Variants in CNBD1 observed in about 807,000 individuals in gnomAD.
The protein encoded by CNBD1 is cyclic nucleotide-binding domain-containing protein 1.
In CNBD1, 71 loss-of-function variants were observed where a neutral mutation model predicts 54.4. The observed-to-expected ratio is 1.30, with a 90% CI of 1.08 to 1.59. The LOEUF (loss-of-function observed/expected upper bound fraction) is 1.59, where lower values mean the gene tolerates loss of function less well. Among genes scored for constraint, CNBD1 ranks in the 40% most tolerant of loss-of-function variants. The pLI, the probability that CNBD1 is intolerant of heterozygous loss-of-function variation, is 0.00. For missense variants in CNBD1, 659 were observed against 518.0 expected (o/e 1.27, Z -2.64); for synonymous variants, 182 against 170.7 (o/e 1.07, Z -0.51).
intron 4 of CNBD1, among the ~76,000 whole-genome samples, chr8:86,963,846 G>T (rs566735319): frequency 2.0e-5 from 3 of 152,274 alleles, no homozygotes; most frequent in African/African-American, 7.2e-5. Context: ...AAGGAACCCT[G>T]GGACCAGTCA....
Position 86,870,199 on chromosome 8 carries a change from T to TTTTTTTTTTTTTTTTTTTTTTTG in CNBD1, c.88+3621_88+3622insTTTTTTTTTTTTTTTTTGTTTTT, listed in dbSNP as rs1390067652. On this transcript the variant is annotated intron_variant, in intron 1 of 10. Transcript: ENST00000518476. Reference sequence around the variant, plus strand: ...AAACAAGATAGTACTCTTTTTTTTTTTTTTTCTGAGACGGAATCTCGCTCT... The same window carrying TTTTTTTTTTTTTTTTTTTTTTTG: ...AAACAAGATAGTACTCTTTTTTTTTTTTTTTTTTTTTTTTTTTTTTTTGTTTTTCTGAGACGGAATCTCGCTCT... Among the ~76,000 whole-genome samples, 2 of 141,236 alleles carry TTTTTTTTTTTTTTTTTTTTTTTG rather than the reference T, an allele frequency of 1.4e-5. 1 individual carries two copies. The highest frequency in any genetic ancestry group is 5.4e-5 in the African/African-American group (2 of 37,338). The allele number at this position is 141,236 out of a possible 152,430, so 92.7% of individuals were successfully genotyped here. A position where few individuals can be genotyped will look rare whatever the true frequency, so the allele number is the denominator to read the frequency against.
At chr8:86,891,576 A>G (rs4527892) in intron 2 of CNBD1, among the ~76,000 whole-genome samples, 77,558 of 151,728 alleles carry the variant, frequency 0.51, 19,986 homozygotes, top group South Asian at 0.58. Context: ...TGGGGTCTTT[A>G]GTAGTTCCAT....
At chr8:86,908,754 A>T (rs1809055283) in intron 3 of CNBD1, among the ~76,000 whole-genome samples, 1 of 151,726 alleles carries the variant, frequency 6.6e-6, no homozygotes, top group Non-Finnish European at 1.5e-5. Context: ...AGATGAAATT[A>T]ACAATGTTGT....
intron 4 of CNBD1, among the ~76,000 whole-genome samples, chr8:87,088,095 G>T (rs917590214): frequency 2.6e-5 from 4 of 152,116 alleles, no homozygotes; most frequent in Non-Finnish European, 5.9e-5. Flanking sequence ...CTTTTCAAAG[G>T]CCTAGTTTGT....
intron 8 of CNBD1, among the ~76,000 whole-genome samples, chr8:87,297,866 G>A (rs199621406): frequency 1.3e-5 from 2 of 151,638 alleles, no homozygotes; most frequent in Admixed American, 6.6e-5. Flanking sequence ...ATGCTAATGG[G>A]CCTCATGAAG....
At chr8:86,895,103 C>CA (rs1808830291) in intron 2 of CNBD1, among the ~76,000 whole-genome samples, 1 of 152,080 alleles carries the variant, frequency 6.6e-6, no homozygotes, top group Non-Finnish European at 1.5e-5. Context: ...CCTCATGACT[C>CA]AATCACCTTT....
At chr8:87,421,299 G>C (rs1181299313) in intron 2 of CNBD1, among the ~76,000 whole-genome samples, 1 of 149,750 alleles carries the variant, frequency 6.7e-6, no homozygotes, top group Non-Finnish European at 1.5e-5. Flanking sequence ...TATACTTTAA[G>C]TTTTAGGGTA....
At chr8:86,992,069 G>T (rs983089566) in intron 4 of CNBD1, among the ~76,000 whole-genome samples, 1 of 152,040 alleles carries the variant, frequency 6.6e-6, no homozygotes, top group Non-Finnish European at 1.5e-5. Flanking sequence ...TTCTTTCTTA[G>T]TTTTCTGCCT....
chr8:86,874,122 C>T (rs529849962), intron 1 of CNBD1, among the ~76,000 whole-genome samples: 2 of 152,250 alleles, frequency 1.3e-5, no homozygotes, highest in South Asian at 2.1e-4. Context: ...GTTATGATAG[C>T]TTTGTATTTT....
chr8:86,903,305 G>A (rs534812273), intron 2 of CNBD1, among the ~76,000 whole-genome samples: 3 of 152,092 alleles, frequency 2.0e-5, no homozygotes, highest in African/African-American at 7.2e-5. Context: ...AAATGACTTG[G>A]GTAAAAGTCT....
intron 4 of CNBD1, among the ~76,000 whole-genome samples, chr8:87,096,284 C>T (rs564883813): frequency 4.0e-5 from 6 of 151,352 alleles, no homozygotes; most frequent in Admixed American, 6.6e-5. Flanking sequence ...GGCTTATAGC[C>T]GGCCTTCTCC....
intron 2 of CNBD1, among the ~76,000 whole-genome samples, chr8:87,423,726 T>C (rs984422157): frequency 1.2e-3 from 180 of 151,514 alleles, no homozygotes; most frequent in Non-Finnish European, 2.2e-3. Flanking sequence ...AGGATATTGG[T>C]CTAAAATTCT....
At chr8:87,407,637 G>A (rs1039721327) in intron 2 of CNBD1, among the ~76,000 whole-genome samples, 1 of 151,880 alleles carries the variant, frequency 6.6e-6, no homozygotes, top group Non-Finnish European at 1.5e-5. Context: ...AATTCCTGTT[G>A]CTTTCAATCC....
At chr8:87,280,862 T>C (rs1808586737) in intron 6 of CNBD1, among the ~76,000 whole-genome samples, 1 of 151,538 alleles carries the variant, frequency 6.6e-6, no homozygotes, top group Non-Finnish European at 1.5e-5. Flanking sequence ...AATTTATTTT[T>C]CAGTAAAATA....
intron 4 of CNBD1, among the ~76,000 whole-genome samples, chr8:87,040,423 CTTTTTTTTT>C (rs71277911): frequency 7.7e-6 from 1 of 129,390 alleles, no homozygotes; most frequent in African/African-American, 2.9e-5. Context: ...AATTCTTTTT[CTTTTTTTTT>C]TTTTTTTTTG....
chr8:87,277,969 CAATG>C (rs1179394458), intron 6 of CNBD1, among the ~76,000 whole-genome samples: 2 of 151,194 alleles, frequency 1.3e-5, no homozygotes, highest in African/African-American at 2.4e-5. Flanking sequence ...TCATATCTGA[CAATG>C]AAAGAAACTA....
intron 5 of CNBD1, among the ~76,000 whole-genome samples, chr8:87,222,746 A>G (rs1343929874): frequency 6.6e-6 from 1 of 152,174 alleles, no homozygotes; most frequent in Admixed American, 6.6e-5. Context: ...AACCTTTCAA[A>G]AAGTCACTAT....
intron 4 of CNBD1, among the ~76,000 whole-genome samples, chr8:87,183,904 C>T (rs571167494): frequency 1.3e-5 from 2 of 152,310 alleles, no homozygotes; most frequent in Admixed American, 6.5e-5. Flanking sequence ...ACACCTGCTA[C>T]ACTAGAGAGC....
intron 4 of CNBD1, among the ~76,000 whole-genome samples, chr8:86,994,703 C>G (rs552150812): frequency 3.7e-4 from 57 of 152,064 alleles, no homozygotes; most frequent in African/African-American, 1.4e-3. Context: ...CAGCAGGGTC[C>G]CCAGCTTCCT....
Sources: allele counts gnomAD v4.1 joint callset (sites outside exome capture counted in the v4.1 genomes callset), GRCh38; gene constraint gnomAD v4.1.1; transcripts MANE v1.5; gene names NCBI Gene and HGNC (gene_info 2026-07-23, HGNC 2026-07-21).